Variants in USP33 observed in about 807,000 individuals in gnomAD.
The protein encoded by USP33 is ubiquitin carboxyl-terminal hydrolase 33.
In USP33, 46 loss-of-function variants were observed where a neutral mutation model predicts 124.2. The ratio of observed to expected loss-of-function variants is 0.37; its 90% confidence interval spans 0.29 to 0.47. USP33 has a LOEUF of 0.47. USP33 is among the 20% of genes least tolerant of loss of function. The pLI is 0.99. For missense variants in USP33, 851 were observed against 1,070.6 expected (o/e 0.79, Z 2.86); for synonymous variants, 350 against 352.3 (o/e 0.99, Z 0.07).
chr1:77,726,078 T>C (rs1570791779), intron 10 of USP33, among the ~76,000 whole-genome samples: 1 of 152,184 alleles, frequency 6.6e-6, no homozygotes, highest in South Asian at 2.1e-4. Flanking sequence ...GCCTCCCAAG[T>C]AGCTGAGATT....
Position 77,714,667 on chromosome 1 carries a change from G to C in USP33, c.2162C>G (p.Thr721Ser). 1.9e-6 allele frequency: 3 copies of C among 1,613,330 alleles called. No homozygotes were observed. In the Middle Eastern group the frequency reaches 5.4e-4, roughly 290 times the overall value. Reference protein sequence around the residue: ...ISRQWLNKFKTFAEPGPISNN... With the variant: ...ISRQWLNKFKSFAEPGPISNN... ...TGAAATAGGGCCAGGTTCGGCAAAG[G>C]TCTTAAATTTATTAAGCCACTGTCG... The change falls in exon 19 of 24, where the codon ACC becomes AGC. Residue 721 changes from threonine to serine, a missense_variant. Physicochemically the swap from Thr to Ser is moderately conservative, Grantham distance 58 (BLOSUM62 1). Transcript: ENST00000370794.
chr1:77,700,181 C>A (rs1342618758), intron 22 of USP33, among the ~76,000 whole-genome samples: 1 of 152,188 alleles, frequency 6.6e-6, no homozygotes, highest in Non-Finnish European at 1.5e-5. Flanking sequence ...GCACATCCTG[C>A]ACATGTATGC....
At chr1:77,697,730 T>C in intron 23 of USP33, 133 bp downstream of exon 23, 1 of 1,047,576 alleles carries the variant, frequency 9.5e-7, no homozygotes, top group Non-Finnish European at 1.4e-6. Flanking sequence ...CTGCTTTTCA[T>C]TACTTGCCCT....
intron 19 of USP33, 54 bp downstream of exon 19, chr1:77,714,560 C>A (rs1212062140): frequency 6.4e-7 from 1 of 1,558,790 alleles, no homozygotes; most frequent in South Asian, 1.2e-5. Flanking sequence ...TCCTAATTTG[C>A]AAATTATTTT....
intron 1 of USP33, among the ~76,000 whole-genome samples, chr1:77,745,887 T>C (rs1679694557): frequency 6.6e-6 from 1 of 152,130 alleles, no homozygotes; most frequent in Non-Finnish European, 1.5e-5. Context: ...AAGCAGTGTG[T>C]AGAGGGAAAT....
intron 7 of USP33, among the ~76,000 whole-genome samples, chr1:77,732,221 T>C (rs1014983554): frequency 3.9e-5 from 6 of 152,104 alleles, no homozygotes; most frequent in African/African-American, 9.7e-5. Context: ...ATAACAATAG[T>C]ATCAACCTAC....
At chr1:77,723,653 T>C (rs1055204871) in intron 11 of USP33, among the ~76,000 whole-genome samples, 2 of 152,030 alleles carry the variant, frequency 1.3e-5, no homozygotes, top group African/African-American at 4.8e-5. Context: ...GCTTAAGATA[T>C]TTGTTGTTTT....
At position 77,701,444 on chromosome 1, in the gene USP33, A is replaced by G; in HGVS notation, c.2434T>C (p.Ser812Pro). The G allele has an allele frequency of 6.2e-7, 1 of 1,613,076 alleles. No individual in the cohort carries two copies. Among genetic ancestry groups the G allele is most frequent in the Non-Finnish European group, 8.5e-7 (1 of 1,179,740 alleles). The change falls in exon 22 of 24, where the codon TCT becomes CCT. Residue 812 changes from serine to proline, a missense_variant. Coordinates refer to ENST00000370794, the MANE Select transcript of USP33 (RefSeq NM_201624.3). ...RLNRAFQKED[S>P]PATFYCISMQ... The stretch of plus-strand genomic sequence containing the variant: ...CTGATGCAATAAAAAGTAGCTGGAG[A>G]GTCCTCTTTTTGGAACGCTCTGTTA...
At chr1:77,743,661 C>A (rs1402747957) in intron 1 of USP33, among the ~76,000 whole-genome samples, 1 of 152,044 alleles carries the variant, frequency 6.6e-6, no homozygotes, top group African/African-American at 2.4e-5. Context: ...GAGAAAAAAA[C>A]CACGGGAAAG....
At chr1:77,731,068 T>A (rs527618350) in intron 7 of USP33, among the ~76,000 whole-genome samples, 4 of 152,180 alleles carry the variant, frequency 2.6e-5, no homozygotes, top group African/African-American at 9.7e-5. Flanking sequence ...TTGAAACTCC[T>A]TTTCCCTCTC....
At chr1:77,738,218 AC>A (rs1678703906) in intron 5 of USP33, among the ~76,000 whole-genome samples, 1 of 152,354 alleles carries the variant, frequency 6.6e-6, no homozygotes, top group East Asian at 1.9e-4. Context: ...CAAACATACA[AC>A]AGAAAAACCT....
intron 11 of USP33, 150 bp downstream of exon 11, chr1:77,725,472 A>G (rs1027248517): frequency 1.2e-5 from 14 of 1,197,688 alleles, no homozygotes; most frequent in Non-Finnish European, 1.6e-5. Context: ...AACACACAAA[A>G]TTTTTAATCA....
chr1:77,721,290 T>G (rs1213217479), intron 14 of USP33, 85 bp from the exon 15 acceptor site: 5 of 1,448,788 alleles, frequency 3.5e-6, no homozygotes, highest in Non-Finnish European at 4.8e-6. Flanking sequence ...TTTTGCCCCA[T>G]GCTGACCTCC....
chr1:77,704,847 C>T (rs770341030), intron 21 of USP33, among the ~76,000 whole-genome samples: 27 of 152,180 alleles, frequency 1.8e-4, no homozygotes, highest in Admixed American at 1.4e-3. Flanking sequence ...TCATACTTCA[C>T]ATGGTCTACA....
chr1:77,756,234 C>A (rs1271526396), intron 1 of USP33, among the ~76,000 whole-genome samples: 1 of 152,166 alleles, frequency 6.6e-6, no homozygotes, highest in Admixed American at 6.5e-5. Flanking sequence ...CAAGCCACAG[C>A]ACCTGGCTCC....
At chr1:77,713,468 C>A in intron 19 of USP33, 187 bp from the exon 20 acceptor site, 12 of 454,732 alleles carry the variant, frequency 2.6e-5, no homozygotes, top group Admixed American at 4.6e-5. Flanking sequence ...ACAGCAGCCT[C>A]AAAATTCCTG....
At chr1:77,723,809 C>T (rs1443515687) in intron 11 of USP33, among the ~76,000 whole-genome samples, 1 of 151,916 alleles carries the variant, frequency 6.6e-6, no homozygotes, top group Non-Finnish European at 1.5e-5. Flanking sequence ...GGACTACAGG[C>T]GCCCACCACC....
rs1166311973 is a variant in USP33, at chr1:77,729,757, C to A, written c.717+103G>T. ...TACTATTCTTGGCAAAAGAAAGACA[C>A]AAGGAGTGATGACCCCAAAAGATAA... On this transcript the variant is annotated intron_variant, in intron 9 of 23. Transcript: ENST00000370794. The A allele has an allele frequency of 4.9e-6, 5 of 1,010,130 alleles. No homozygotes were observed. In the East Asian group the frequency reaches 1.2e-4, roughly 24 times the overall value. The allele number at this position is 1,010,130 out of a possible 1,614,324, so 62.6% of individuals were successfully genotyped here.
chr1:77,752,217 A>C (rs1680407820), intron 1 of USP33, among the ~76,000 whole-genome samples: 1 of 151,420 alleles, frequency 6.6e-6, no homozygotes, highest in South Asian at 2.1e-4. Flanking sequence ...GCTCACTTGC[A>C]ACTTCTCCCT....
Sources: gnomAD v4.1 joint callset for allele counts (sites outside exome capture counted in the v4.1 genomes callset) on GRCh38, gnomAD v4.1.1 for gene constraint, MANE v1.5 for transcripts, NCBI Gene and HGNC (gene_info 2026-07-23, HGNC 2026-07-21) for gene names.